The following FNIP1 variants were observed in gnomAD, a reference collection of about 807,000 sequenced individuals.
The protein encoded by FNIP1 is folliculin-interacting protein 1.
Under a neutral mutation model 124.5 loss-of-function variants are expected in FNIP1, and 40 were observed. That is an observed-to-expected ratio of 0.32 (90% CI 0.25 to 0.42). The LOEUF (loss-of-function observed/expected upper bound fraction) is 0.42. Among genes scored for constraint, FNIP1 ranks in the 10% least tolerant of loss-of-function variants. The pLI, the probability that FNIP1 is intolerant of heterozygous loss-of-function variation, is 1.00. For synonymous variants in FNIP1, 472 were observed against 470.6 expected, an observed-to-expected ratio of 1.00 and a Z score of -0.04; for missense variants, 1,176 against 1,403.7, an observed-to-expected ratio of 0.84 and a Z score of 2.59.
At chr5:131,766,529 G>C (rs547671611) in intron 1 of FNIP1, among the ~76,000 whole-genome samples, 192 of 152,256 alleles carry the variant, frequency 1.3e-3, no homozygotes, top group African/African-American at 3.5e-3. Context: ...TACTGGTCAG[G>C]GTTCTCTAGA....
intron 1 of FNIP1, among the ~76,000 whole-genome samples, chr5:131,767,160 G>A (rs1023781943): frequency 9.9e-5 from 15 of 151,990 alleles, no homozygotes; most frequent in African/African-American, 2.4e-4. Flanking sequence ...TTGGCCAGGC[G>A]TGGTGGCTCA....
intron 3 of FNIP1, among the ~76,000 whole-genome samples, chr5:131,730,391 C>T (rs1216750764): frequency 6.6e-6 from 1 of 152,164 alleles, no homozygotes; most frequent in Non-Finnish European, 1.5e-5. Flanking sequence ...GATAAATTTA[C>T]ATCAGATGAC....
intron 5 of FNIP1, among the ~76,000 whole-genome samples, chr5:131,718,659 G>A (rs749373082): frequency 2.6e-5 from 4 of 152,164 alleles, no homozygotes; most frequent in African/African-American, 4.8e-5. Context: ...TCTGAAAATT[G>A]AAGAGCACCA....
chr5:131,753,300 A>G (rs995720506), intron 1 of FNIP1, among the ~76,000 whole-genome samples: 2 of 152,218 alleles, frequency 1.3e-5, no homozygotes, highest in Non-Finnish European at 2.9e-5. Context: ...AAAAATGAAA[A>G]TAAATGTTCA....
Position 131,671,899 on chromosome 5 carries a change from T to TA in FNIP1, c.2544dup (p.Ile849TyrfsTer2). 1 of 1,614,190 alleles carries TA rather than the reference T, an allele frequency of 6.2e-7. No individual in the cohort carries two copies. The highest frequency in any genetic ancestry group is 8.5e-7 in the Non-Finnish European group (1 of 1,180,044). ...CTTGTTTTAAATGGAACATCATCAA[T>TA]AGTCCTGGTTTCGATTGAATCATCA... On this transcript the variant is annotated frameshift_variant, in exon 14 of 18. Transcript: ENST00000510461. LOFTEE classifies it high-confidence loss of function.
chr5:131,659,980 C>A (rs1767371857), intron 15 of FNIP1, among the ~76,000 whole-genome samples: 1 of 152,234 alleles, frequency 6.6e-6, no homozygotes, highest in African/African-American at 2.4e-5. Context: ...CCGACCCATG[C>A]CCATCATCAC....
chr5:131,666,389 G>T (rs953477949), intron 15 of FNIP1, among the ~76,000 whole-genome samples: 1 of 152,058 alleles, frequency 6.6e-6, no homozygotes, highest in Non-Finnish European at 1.5e-5. Context: ...AAACAGAGGG[G>T]GAAAGACAAA....
intron 1 of FNIP1, among the ~76,000 whole-genome samples, chr5:131,764,875 T>C (rs1156801475): frequency 6.6e-6 from 1 of 152,118 alleles, no homozygotes; most frequent in African/African-American, 2.4e-5. Context: ...TATGACACTA[T>C]ACTTGGTGAA....
At chr5:131,665,022 T>C (rs952562657) in intron 15 of FNIP1, among the ~76,000 whole-genome samples, 70 of 152,038 alleles carry the variant, frequency 4.6e-4, no homozygotes, top group Middle Eastern at 3.4e-3. Flanking sequence ...CATATCATTT[T>C]ATATATAAGG....
chr5:131,733,225 T>C (rs1403434958), intron 2 of FNIP1, among the ~76,000 whole-genome samples: 1 of 152,194 alleles, frequency 6.6e-6, no homozygotes. Flanking sequence ...TAAGGAGATT[T>C]TGGGCTGAGA....
chr5:131,786,626 A>G (rs1212581796), intron 1 of FNIP1, among the ~76,000 whole-genome samples: 3 of 152,144 alleles, frequency 2.0e-5, no homozygotes, highest in Non-Finnish European at 2.9e-5. Flanking sequence ...TCAATGCAAC[A>G]ATTTTGAGAG....
At chr5:131,752,544 A>G (rs1770910983) in intron 1 of FNIP1, among the ~76,000 whole-genome samples, 1 of 151,624 alleles carries the variant, frequency 6.6e-6, no homozygotes, top group Non-Finnish European at 1.5e-5. Flanking sequence ...CATCTAAAAA[A>G]AAAAAAAAAG....
chr5:131,763,993 A>T (rs539551559), intron 1 of FNIP1, among the ~76,000 whole-genome samples: 3 of 152,134 alleles, frequency 2.0e-5, no homozygotes, highest in Non-Finnish European at 2.9e-5. Context: ...TGAGTTTCTC[A>T]TGAATGGTTT....
chr5:131,702,958 A>G (rs977773901), intron 10 of FNIP1, among the ~76,000 whole-genome samples: 4 of 152,162 alleles, frequency 2.6e-5, no homozygotes, highest in Admixed American at 1.3e-4. Flanking sequence ...TCTCTTGCCA[A>G]TCTCCATCAG....
At chr5:131,791,149 A>T (rs1235807938) in intron 1 of FNIP1, among the ~76,000 whole-genome samples, 2 of 152,252 alleles carry the variant, frequency 1.3e-5, no homozygotes, top group Non-Finnish European at 1.5e-5. Flanking sequence ...AAAATGACAA[A>T]GGGAAATCAC....
chr5:131,757,466 T>A (rs548182005), intron 1 of FNIP1, among the ~76,000 whole-genome samples: 19 of 152,202 alleles, frequency 1.2e-4, no homozygotes, highest in Admixed American at 1.2e-3. Flanking sequence ...GAGGAAAGTG[T>A]GGTACAATAT....
chr5:131,733,906 A>G (rs1027972744), intron 2 of FNIP1, among the ~76,000 whole-genome samples: 6 of 152,190 alleles, frequency 3.9e-5, no homozygotes, highest in Non-Finnish European at 7.4e-5. Flanking sequence ...AAGGAATGGT[A>G]CCAGCTCCTC....
chr5:131,719,481 G>A (rs960817159), intron 3 of FNIP1, 64 bp from the exon 4 acceptor site: 1 of 1,423,296 alleles, frequency 7.0e-7, no homozygotes, highest in East Asian at 2.3e-5. Flanking sequence ...TTCATATGTT[G>A]ATTTTTATTA....
chr5:131,733,723 T>C (rs1580794646), intron 2 of FNIP1, among the ~76,000 whole-genome samples: 1 of 152,172 alleles, frequency 6.6e-6, no homozygotes, highest in Non-Finnish European at 1.5e-5. Flanking sequence ...CTGCTGGATT[T>C]GGTTTGCCAG....
Sources: gnomAD v4.1 joint callset for allele counts (sites outside exome capture counted in the v4.1 genomes callset) on GRCh38, gnomAD v4.1.1 for gene constraint, MANE v1.5 for transcripts, NCBI Gene and HGNC (gene_info 2026-07-23, HGNC 2026-07-21) for gene names.